SH3RF2: variants seen among roughly 807,000 people sequenced by gnomAD.
SH3RF2 encodes E3 ubiquitin-protein ligase SH3RF2.
Under a neutral mutation model 59.0 loss-of-function variants are expected in SH3RF2, and 43 were observed. The ratio of observed to expected loss-of-function variants is 0.73; its 90% CI spans 0.57 to 0.94. The LOEUF is 0.94. Ranked by LOEUF, SH3RF2 falls within the 40% of genes least tolerant of loss-of-function variation. The pLI is 0.00. For synonymous variants in SH3RF2, 391 were observed against 391.5 expected (o/e 1.00, Z 0.01); for missense variants, 930 against 940.1 (o/e 0.99, Z 0.14).
intron 5 of SH3RF2, among the ~76,000 whole-genome samples, chr5:146,024,265 T>G (rs1169065279): frequency 6.6e-6 from 1 of 152,218 alleles, no homozygotes; most frequent in Non-Finnish European, 1.5e-5. Flanking sequence ...TCTTTTTTAT[T>G]GCAGCCATCC....
At chr5:146,002,503 AG>A (rs1289788435) in intron 3 of SH3RF2, among the ~76,000 whole-genome samples, 1 of 150,682 alleles carries the variant, frequency 6.6e-6, no homozygotes, top group Non-Finnish European at 1.5e-5. Flanking sequence ...GAAGGAAGGA[AG>A]GAAGGAAGGA....
intron 7 of SH3RF2, among the ~76,000 whole-genome samples, chr5:146,049,820 G>A (rs926690720): frequency 6.6e-6 from 1 of 152,012 alleles, no homozygotes; most frequent in Non-Finnish European, 1.5e-5. Context: ...ACATTGTGTG[G>A]CATACTGTTC....
chr5:145,989,049 C>A (rs1324255042), intron 2 of SH3RF2, among the ~76,000 whole-genome samples: 1 of 152,158 alleles, frequency 6.6e-6, no homozygotes, highest in African/African-American at 2.4e-5. Context: ...GGAGTGAACC[C>A]ACAGGGAAAG....
chr5:145,979,708 C>T (rs1222099310), intron 2 of SH3RF2, among the ~76,000 whole-genome samples: 1 of 152,190 alleles, frequency 6.6e-6, no homozygotes, highest in Non-Finnish European at 1.5e-5. Context: ...CTCTAAGACT[C>T]AATTTCCTTA....
intron 7 of SH3RF2, among the ~76,000 whole-genome samples, chr5:146,054,044 C>A (rs556449095): frequency 2.0e-5 from 3 of 152,292 alleles, no homozygotes; most frequent in Non-Finnish European, 4.4e-5. Context: ...CACCTAAGCC[C>A]AGAATGCTTT....
intron 2 of SH3RF2, among the ~76,000 whole-genome samples, chr5:145,988,640 A>G (rs1759808560): frequency 6.6e-6 from 1 of 151,774 alleles, no homozygotes; most frequent in African/African-American, 2.4e-5. Flanking sequence ...GTTTTCTATG[A>G]AAAAAAACAA....
intron 2 of SH3RF2, among the ~76,000 whole-genome samples, chr5:145,994,460 A>C (rs1460651755): frequency 6.6e-6 from 1 of 152,200 alleles, no homozygotes; most frequent in Non-Finnish European, 1.5e-5. Flanking sequence ...GCCTGGGAAG[A>C]AAAGGAGGTT....
intron 5 of SH3RF2, among the ~76,000 whole-genome samples, chr5:146,015,152 C>T (rs979849225): frequency 2.6e-5 from 4 of 151,996 alleles, no homozygotes. Context: ...TTTAACAAGA[C>T]AAGGAGGAAA....
Position 146,056,163 on chromosome 5 carries a change from G to A in SH3RF2, c.1505G>A (p.Gly502Glu). Reference sequence around the variant, plus strand: ...CCCGTGAGAAGCACAGCCGGCCCTGGGACTTTAGGACAAGGGTCTCTTCGG... The same window carrying A: ...CCCGTGAGAAGCACAGCCGGCCCTGAGACTTTAGGACAAGGGTCTCTTCGG... Reference protein sequence around the residue: ...VNPVRSTAGPGTLGQGSLRKG... With the variant: ...VNPVRSTAGPETLGQGSLRKG... Residue 502 changes from glycine to glutamate, a missense_variant, in exon 8 of 10, where the codon GGG becomes GAG. Transcript: ENST00000359120. 1 of 1,614,174 alleles carries A rather than the reference G, an allele frequency of 6.2e-7. No individual in the cohort carries two copies.
At chr5:145,988,578 A>G (rs1422015418) in intron 2 of SH3RF2, among the ~76,000 whole-genome samples, 1 of 152,114 alleles carries the variant, frequency 6.6e-6, no homozygotes, top group Non-Finnish European at 1.5e-5. Flanking sequence ...ATCCCACTTG[A>G]TTCTAACATG....
At chr5:145,988,684 C>G (rs1023407406) in intron 2 of SH3RF2, among the ~76,000 whole-genome samples, 1 of 152,092 alleles carries the variant, frequency 6.6e-6, no homozygotes, top group Admixed American at 6.5e-5. Flanking sequence ...TCTTATAAAA[C>G]TGGTCTCAAA....
intron 7 of SH3RF2, among the ~76,000 whole-genome samples, chr5:146,053,596 T>A (rs564908873): frequency 1.3e-5 from 2 of 152,310 alleles, no homozygotes; most frequent in African/African-American, 4.8e-5. Flanking sequence ...CCACTCGATG[T>A]GAGAACACCA....
intron 2 of SH3RF2, among the ~76,000 whole-genome samples, chr5:145,982,812 A>G (rs1415345480): frequency 1.3e-5 from 2 of 152,188 alleles, no homozygotes; most frequent in East Asian, 3.8e-4. Context: ...CCTGACATGG[A>G]CATTCAGGAA....
chr5:146,058,084 T>G (rs1445146283), intron 8 of SH3RF2, among the ~76,000 whole-genome samples: 4 of 152,068 alleles, frequency 2.6e-5, no homozygotes, highest in African/African-American at 9.7e-5. Context: ...GCTCACACTT[T>G]CCTTAATATA....
chr5:146,064,761 A>AG (rs1241286612), downstream of SH3RF2, among the ~76,000 whole-genome samples: 25 of 5,526 alleles, frequency 4.5e-3, 1 homozygote, highest in Non-Finnish European at 9.0e-3. Context: ...GAAGGAAGGA[A>AG]GGAAGGAAGG....
At chr5:145,961,514 C>T (rs1169788184) in intron 2 of SH3RF2, among the ~76,000 whole-genome samples, 1 of 152,036 alleles carries the variant, frequency 6.6e-6, no homozygotes, top group African/African-American at 2.4e-5. Flanking sequence ...TGAAAGGACC[C>T]AAATGCCTAA....
In SH3RF2 at chr5:146,056,040, C is replaced by G; in HGVS notation, c.1382C>G (p.Ser461Cys). Reference protein sequence around the residue: ...SPGLYTTWTLSTSSVSSQGSI... With the variant: ...SPGLYTTWTLCTSSVSSQGSI... ...GGTCTCTACACCACATGGACGTTAT[C>G]CACCTCCTCTGTGTCCTCCCAAGGC... Residue 461 changes from serine (S) to cysteine (C), a missense_variant, in exon 8 of 10, where the codon TCC becomes TGC. By Grantham distance (112) the Ser-to-Cys change is moderately radical. Transcript: ENST00000359120. 1.2e-6 allele frequency: 2 copies of G among 1,614,250 alleles called. No individual in the cohort carries two copies. The highest frequency in any genetic ancestry group is 1.3e-5 in the African/African-American group (1 of 75,070).
chr5:146,064,763 G>GA (rs70998049), downstream of SH3RF2, among the ~76,000 whole-genome samples: 3,275 of 11,414 alleles, frequency 0.29, 554 homozygotes, highest in Admixed American at 0.43. Context: ...AGGAAGGAAG[G>GA]AAGGAAGGAA....
rs538323142 is a variant in SH3RF2 at position 146,004,655 on chromosome 5, ATATGGAGAATAATATT to A, written c.744+518_744+533del. Among the ~76,000 whole-genome samples, 1,030 of 152,048 alleles carry A rather than the reference ATATGGAGAATAATATT, an allele frequency of 6.8e-3. 15 individuals carry two copies. Among genetic ancestry groups the A allele is most frequent in the African/African-American group, 0.024 (1,003 of 41,456 alleles). On this transcript the variant is annotated intron_variant, in intron 4 of 9. Coordinates refer to ENST00000359120, the MANE Select transcript of SH3RF2 (RefSeq NM_152550.4). ...CTATGGATAATACTATATTATCCAT[ATATGGAGAATAATATT>A]TATGGAGAATAATATGGAGAATAAT...
Sources: gnomAD v4.1 joint callset for allele counts (sites outside exome capture counted in the v4.1 genomes callset) on GRCh38, gnomAD v4.1.1 for gene constraint, MANE v1.5 for transcripts, NCBI Gene and HGNC (gene_info 2026-07-23, HGNC 2026-07-21) for gene names.